The following CELF2 variants were observed in gnomAD, a reference collection of about 807,000 sequenced individuals.
CELF2 encodes the protein CUGBP Elav-like family member 2, also known as CUG triplet repeat RNA-binding protein 2.
Under a neutral mutation model 62.6 loss-of-function variants are expected in CELF2, and 8 were observed. That is an observed-to-expected ratio of 0.13 (90% confidence interval 0.07 to 0.23). CELF2 has a LOEUF of 0.23. Among genes scored for constraint, CELF2 ranks in the 10% least tolerant of loss-of-function variants. The pLI is 1.00. For missense variants in CELF2, 333 were observed against 671.0 expected, an observed-to-expected ratio of 0.50 and a Z score of 5.56; for synonymous variants, 258 against 250.0, an observed-to-expected ratio of 1.03 and a Z score of -0.30.
intron 1 of CELF2, among the ~76,000 whole-genome samples, chr10:10,866,371 G>GGAGGCT (rs112795869): frequency 0.78 from 118,042 of 151,070 alleles, 47,087 homozygotes; most frequent in East Asian, 0.97. Context: ...CAGCACTTTG[G>GGAGGCT]GAGGCAGGCA....
At chr10:10,860,999 C>T (rs935793410) in intron 1 of CELF2, among the ~76,000 whole-genome samples, 2 of 152,168 alleles carry the variant, frequency 1.3e-5, no homozygotes, top group South Asian at 2.1e-4. Flanking sequence ...TTGCACACTA[C>T]AGCCTTGAAC....
chr10:11,074,952 A>G (rs543107060), intron 1 of CELF2: 1 of 152,346 alleles, frequency 6.6e-6, no homozygotes, highest in East Asian at 1.9e-4. Context: ...ACTTACTGGA[A>G]TTTGGGGACA....
rs1317559642 is a variant in CELF2 at position 11,332,109 on chromosome 10, T to TACTAG, written c.*3058_*3062dup. 5.3e-5 allele frequency: 8 copies of TACTAG among 152,350 alleles called. No homozygotes were observed. The highest frequency in any genetic ancestry group is 4.6e-4 in the Admixed American group (7 of 15,296). The allele number at this position is 152,350 out of a possible 1,614,324, so 9.4% of individuals were successfully genotyped here. A position where few individuals can be genotyped will look rare whatever the true frequency, so the allele number is the denominator to read the frequency against. On this transcript the variant is annotated 3_prime_UTR_variant, in exon 13 of 13. Transcript: ENST00000633077. ...TTTGGGAAAAGAATTCCTAATGTGC[T>TACTAG]ACTAGAATTCCTTCTTCAGTTTTAA...
chr10:10,499,833 A>G, the CELF2 span, among the ~76,000 whole-genome samples: 1 of 152,188 alleles, frequency 6.6e-6, no homozygotes, highest in Non-Finnish European at 1.5e-5. Flanking sequence ...AGCTGAGATC[A>G]TGCCACTGCA....
At chr10:11,233,021 A>G (rs544746067) in intron 3 of CELF2, among the ~76,000 whole-genome samples, 1 of 152,282 alleles carries the variant, frequency 6.6e-6, no homozygotes, top group East Asian at 1.9e-4. Context: ...ACACTCTGTA[A>G]GTTTCATTGT....
the CELF2 span, among the ~76,000 whole-genome samples, chr10:10,538,418 C>T: frequency 6.6e-6 from 1 of 152,140 alleles, no homozygotes; most frequent in South Asian, 2.1e-4. Flanking sequence ...AGAGGCTACA[C>T]AGTGCACCTG....
chr10:10,949,704 G>A (rs2048095317), intron 2 of CELF2, among the ~76,000 whole-genome samples: 1 of 151,760 alleles, frequency 6.6e-6, no homozygotes, highest in South Asian at 2.1e-4. Flanking sequence ...GGGAAGCTGA[G>A]GCATGAGAAC....
chr10:11,148,255 G>A (rs758343717), intron 1 of CELF2, among the ~76,000 whole-genome samples: 9 of 152,318 alleles, frequency 5.9e-5, no homozygotes, highest in Non-Finnish European at 1.0e-4. Flanking sequence ...TTGGTATTTT[G>A]GGCAACAGTG....
chr10:10,972,829 T>G lies in CELF2; in HGVS notation c.89+52830T>G, dbSNP rs1311341188. ...AGTGGCCCTCAGAGAGCTACCTTCC[T>G]CAGAAAACATGGGGACATGGTAGAT... is the stretch of plus-strand genomic sequence containing the variant. On this transcript the variant is annotated intron_variant, in intron 2 of 13. Transcript: ENST00000636488. The surrounding 1 kb of genome is among the most constrained non-coding windows in gnomAD (Gnocchi z 4.4). Among the ~76,000 whole-genome samples the G allele has an allele frequency of 1.3e-5, 2 of 152,100 alleles. No individual in the cohort carries two copies. Among genetic ancestry groups the G allele is most frequent in the African/African-American group, 2.4e-5 (1 of 41,414 alleles).
intron 8 of CELF2, among the ~76,000 whole-genome samples, chr10:11,278,168 T>C (rs150056558): frequency 2.0e-5 from 3 of 152,290 alleles, no homozygotes; most frequent in Non-Finnish European, 4.4e-5. Context: ...ATGTATAAAA[T>C]TGAATGAGAC....
Position 11,306,099 on chromosome 10 carries a change from G to A in CELF2, c.977-8040G>A, listed in dbSNP as rs976169246. Among the ~76,000 whole-genome samples the A allele has an allele frequency of 6.6e-5, 10 of 152,150 alleles. No homozygotes were observed. Among genetic ancestry groups the A allele is most frequent in the Admixed American group, 1.3e-4 (2 of 15,276 alleles). On this transcript the variant is annotated intron_variant, in intron 9 of 12. Coordinates refer to ENST00000633077, the MANE Select transcript of CELF2 (RefSeq NM_001326342.2). The surrounding 1 kb of genome is among the most constrained non-coding windows in gnomAD (Gnocchi z 4.4). ...TGGTACAACAGGCTTAAAATGTGAC[G>A]TATCCAAGTTATTGCAGCCACTGTG...
At chr10:10,502,229 A>G in the CELF2 span, among the ~76,000 whole-genome samples, 6 of 151,744 alleles carry the variant, frequency 4.0e-5, no homozygotes, top group African/African-American at 1.2e-4. Context: ...TTTTCTGTCA[A>G]TATGTTTGTT....
chr10:10,508,707 TA>T, the CELF2 span, among the ~76,000 whole-genome samples: 491 of 28,638 alleles, frequency 0.017, 1 homozygote, highest in African/African-American at 0.048. Flanking sequence ...TGTGTGTGTA[TA>T]TTTTTTTTTT....
chr10:11,030,378 G>A (rs1444513713), intron 1 of CELF2: 3 of 152,218 alleles, frequency 2.0e-5, no homozygotes, highest in Non-Finnish European at 4.4e-5. Context: ...ATGTACCTCT[G>A]TTTCTCATTT....
At chr10:11,287,862 C>T (rs1285811717) in intron 8 of CELF2, among the ~76,000 whole-genome samples, 1 of 152,274 alleles carries the variant, frequency 6.6e-6, no homozygotes, top group Non-Finnish European at 1.5e-5. Context: ...CTGCCATTCA[C>T]TGTCAAGAAA....
At chr10:10,796,151 C>T (rs558169351), upstream of CELF2, among the ~76,000 whole-genome samples, 5 of 152,282 alleles carry the variant, frequency 3.3e-5, no homozygotes, top group South Asian at 4.1e-4. Flanking sequence ...CCACAGGCAT[C>T]GCTTCTAAGT....
At chr10:10,905,532 C>T (rs2063263379) in intron 1 of CELF2, among the ~76,000 whole-genome samples, 1 of 150,804 alleles carries the variant, frequency 6.6e-6, no homozygotes, top group African/African-American at 2.4e-5. Flanking sequence ...TCACTTGAGG[C>T]CAGGAGTTCG....
Position 11,330,087 on chromosome 10 carries a change from G to A in CELF2, c.*1034G>A, listed in dbSNP as rs1249478297. ...TTCACCGTTGAACCCTAGACCTGAA[G>A]TTCATGCTTTATCCTCTCGTTGTTT... On this transcript the variant is annotated 3_prime_UTR_variant, in exon 13 of 13. Coordinates refer to ENST00000633077, the MANE Select transcript of CELF2 (RefSeq NM_001326342.2). The surrounding 1 kb of genome is among the most constrained non-coding windows in gnomAD (Gnocchi z 4.5). 6.6e-6 allele frequency: 1 copy of A among 152,606 alleles called. No individual in the cohort carries two copies. The highest frequency in any genetic ancestry group is 1.5e-5 in the Non-Finnish European group (1 of 68,032). 9.5% of individuals were successfully genotyped at this position (152,606 alleles called of 1,614,324 possible).
At chr10:10,725,685 A>G in the CELF2 span, among the ~76,000 whole-genome samples, 1 of 152,174 alleles carries the variant, frequency 6.6e-6, no homozygotes, top group East Asian at 1.9e-4. Context: ...CAGCTCTGTG[A>G]GCAGCATTTT....
Sources: gnomAD v4.1 joint callset for allele counts (sites outside exome capture counted in the v4.1 genomes callset) on GRCh38, gnomAD v4.1.1 for gene constraint, Gnocchi (gnomAD v3.1) non-coding constraint, MANE v1.5 for transcripts, NCBI Gene and HGNC (gene_info 2026-07-23, HGNC 2026-07-21) for gene names.